NRXN3: variants seen among roughly 807,000 people sequenced by gnomAD.
The protein encoded by NRXN3 is neurexin III.
NRXN3 carries 32 observed loss-of-function variants against 137.6 expected under a neutral mutation model. The ratio of observed to expected loss-of-function variants is 0.23; its 90% CI spans 0.18 to 0.31. The LOEUF (loss-of-function observed/expected upper bound fraction) is 0.31. NRXN3 is among the 10% of genes least tolerant of loss of function. The pLI is 1.00. For missense variants in NRXN3, 1,574 were observed against 2,062.5 expected, an observed-to-expected ratio of 0.76 and a Z score of 4.59; for synonymous variants, 798 against 784.5, an observed-to-expected ratio of 1.02 and a Z score of -0.29.
At chr14:78,818,174 G>A (rs1209513831) in intron 10 of NRXN3, among the ~76,000 whole-genome samples, 1 of 151,726 alleles carries the variant, frequency 6.6e-6, no homozygotes, top group African/African-American at 2.4e-5. Context: ...ACCTAGTTTG[G>A]AGGTATGTAT....
At chr14:79,080,144 C>A (rs554482943) in intron 15 of NRXN3, among the ~76,000 whole-genome samples, 8 of 152,266 alleles carry the variant, frequency 5.3e-5, no homozygotes, top group Admixed American at 3.9e-4. Context: ...CAGCTGGGGG[C>A]AGCCAGAAGC....
intron 10 of NRXN3, among the ~76,000 whole-genome samples, chr14:78,816,640 C>T (rs1326212743): frequency 6.6e-6 from 1 of 152,084 alleles, no homozygotes; most frequent in African/African-American, 2.4e-5. Flanking sequence ...TTAATGCATA[C>T]ATGTATAAGA....
At chr14:78,501,739 A>G (rs143862278) in intron 4 of NRXN3, among the ~76,000 whole-genome samples, 1 of 152,164 alleles carries the variant, frequency 6.6e-6, no homozygotes, top group African/African-American at 2.4e-5. Flanking sequence ...CCTCTTGTAC[A>G]TTCATAGCTG....
intron 8 of NRXN3, among the ~76,000 whole-genome samples, chr14:78,781,371 A>G (rs1595805949): frequency 6.6e-6 from 1 of 152,224 alleles, no homozygotes; most frequent in Non-Finnish European, 1.5e-5. Flanking sequence ...TCTGAAACAA[A>G]TATACCAGAA....
intron 16 of NRXN3, among the ~76,000 whole-genome samples, chr14:79,619,019 C>T (rs912424660): frequency 2.0e-4 from 30 of 151,334 alleles, no homozygotes; most frequent in Admixed American, 1.8e-3. Flanking sequence ...GAGAAGTGTC[C>T]GTTCATATTC....
At chr14:78,551,305 A>G (rs1262519812) in intron 4 of NRXN3, among the ~76,000 whole-genome samples, 1 of 151,214 alleles carries the variant, frequency 6.6e-6, no homozygotes, top group African/African-American at 2.4e-5. Context: ...TTTTTTTTCT[A>G]CTTATATCTA....
At chr14:78,553,954 T>C (rs2152218335) in intron 4 of NRXN3, among the ~76,000 whole-genome samples, 1 of 152,208 alleles carries the variant, frequency 6.6e-6, no homozygotes, top group Non-Finnish European at 1.5e-5. Flanking sequence ...GGAAAAGACA[T>C]GCATAACACT....
chr14:79,843,994 C>A (rs2099361791), intron 20 of NRXN3, among the ~76,000 whole-genome samples: 1 of 152,110 alleles, frequency 6.6e-6, no homozygotes, highest in Admixed American at 6.6e-5. Flanking sequence ...AGAGAGCATA[C>A]AATATTTACT....
At chr14:79,230,465 G>T (rs2071965181) in intron 15 of NRXN3, among the ~76,000 whole-genome samples, 1 of 152,100 alleles carries the variant, frequency 6.6e-6, no homozygotes, top group African/African-American at 2.4e-5. Context: ...TTTACTACAG[G>T]AGTAAGTGAG....
intron 2 of NRXN3, among the ~76,000 whole-genome samples, chr14:78,247,286 A>G (rs931451569): frequency 6.6e-6 from 1 of 152,188 alleles, no homozygotes; most frequent in African/African-American, 2.4e-5. Context: ...TATATTCCCT[A>G]GGTAAGACCC....
intron 18 of NRXN3, 93 bp downstream of exon 18, chr14:79,692,355 C>T: frequency 2.2e-6 from 2 of 903,566 alleles, no homozygotes; most frequent in Non-Finnish European, 3.4e-6. Flanking sequence ...ATGATAATCG[C>T]CTGCTGCATA....
intron 8 of NRXN3, among the ~76,000 whole-genome samples, chr14:78,769,028 T>C (rs1405223781): frequency 6.6e-6 from 1 of 152,186 alleles, no homozygotes; most frequent in Non-Finnish European, 1.5e-5. Flanking sequence ...GGTTTAAAGT[T>C]CCAACCCTCT....
At chr14:78,574,090 A>C (rs1329552575) in intron 4 of NRXN3, among the ~76,000 whole-genome samples, 1 of 152,224 alleles carries the variant, frequency 6.6e-6, no homozygotes. Flanking sequence ...GGCAGCTTAC[A>C]TGTGGTGTTG....
At chr14:79,788,947 A>G in intron 19 of NRXN3, among the ~76,000 whole-genome samples, 1 of 152,192 alleles carries the variant, frequency 6.6e-6, no homozygotes, top group East Asian at 1.9e-4. Flanking sequence ...AGTATAAGCC[A>G]AAACATAAAG....
chr14:79,095,225 A>AC, intron 15 of NRXN3, among the ~76,000 whole-genome samples: 1 of 152,258 alleles, frequency 6.6e-6, no homozygotes, highest in East Asian at 1.9e-4. Context: ...TTGGGTATCT[A>AC]CAGTGAGCTT....
At position 79,504,639 on chromosome 14, in the gene NRXN3, T is replaced by TATATATATGTATATATGTA. The variant is rs60009832; in HGVS notation, c.3444+37237_3444+37238insATATATATGTATATATGTA. Among the ~76,000 whole-genome samples, 21 of 93,410 alleles carry TATATATATGTATATATGTA rather than the reference T, an allele frequency of 2.2e-4. 1 individual carries two copies. Among genetic ancestry groups the TATATATATGTATATATGTA allele is most frequent in the African/African-American group, 8.7e-4 (21 of 24,128 alleles). The allele number at this position is 93,410 out of a possible 152,430, so 61.3% of individuals were successfully genotyped here. ...TAAACTTCCATTATAAAATGAAGTT[T>TATATATATGTATATATGTA]TTTATATATATATATGTATATATAT... is the stretch of plus-strand genomic sequence containing the variant. On this transcript the variant is annotated intron_variant, in intron 16 of 20. Coordinates refer to ENST00000335750, the MANE Select transcript of NRXN3 (RefSeq NM_001330195.2).
chr14:78,764,659 T>C (rs1174916002), intron 8 of NRXN3, among the ~76,000 whole-genome samples: 1 of 152,200 alleles, frequency 6.6e-6, no homozygotes, highest in Non-Finnish European at 1.5e-5. Context: ...ACTACTGGCT[T>C]AGAAGAAAGT....
chr14:79,309,944 C>T (rs1463093971), intron 15 of NRXN3, among the ~76,000 whole-genome samples: 2 of 114,280 alleles, frequency 1.8e-5, no homozygotes, highest in East Asian at 2.7e-4. Flanking sequence ...TAATTAGATC[C>T]CATTTGTCAA....
chr14:79,172,675 A>G (rs1248925273), intron 15 of NRXN3, among the ~76,000 whole-genome samples: 1 of 152,232 alleles, frequency 6.6e-6, no homozygotes, highest in Admixed American at 6.5e-5. Context: ...ATTCCCCACT[A>G]CATTTCTAAG....
Sources: gnomAD v4.1 joint callset for allele counts (sites outside exome capture counted in the v4.1 genomes callset) on GRCh38, gnomAD v4.1.1 for gene constraint, MANE v1.5 for transcripts, NCBI Gene and HGNC (gene_info 2026-07-23, HGNC 2026-07-21) for gene names.